CSMD1: variants seen among roughly 807,000 people sequenced by gnomAD.
The protein encoded by CSMD1 is CUB and sushi domain-containing protein 1.
In CSMD1, 213 loss-of-function variants were observed where a neutral mutation model predicts 417.5. The observed-to-expected ratio is 0.51, with a 90% CI of 0.46 to 0.57. The LOEUF (loss-of-function observed/expected upper bound fraction) is 0.57, where lower values mean the gene tolerates loss of function less well. Ranked by LOEUF, CSMD1 falls within the 20% of genes least tolerant of loss-of-function variation. CSMD1 has a pLI of 0.00. For synonymous variants in CSMD1, 2,862 were observed against 1,736.8 expected (o/e 1.65, Z -16.11); for missense variants, 6,923 against 4,529.7 (o/e 1.53, Z -15.17).
chr8:2,959,324 C>A (rs2128924227), intron 62 of CSMD1, among the ~76,000 whole-genome samples: 1 of 152,258 alleles, frequency 6.6e-6, no homozygotes, highest in African/African-American at 2.4e-5. Flanking sequence ...AGGCTGTTCT[C>A]CTGGCCTCAA....
Position 4,281,460 on chromosome 8 carries a change from CT to C in CSMD1, c.415+138492del, listed in dbSNP as rs551461760. 1.4e-3 allele frequency among the ~76,000 whole-genome samples: 213 copies of C among 152,242 alleles called. 1 individual carries two copies. The highest frequency in any genetic ancestry group is 2.5e-3 in the Non-Finnish European group (172 of 67,984). On this transcript the variant is annotated intron_variant, in intron 3 of 69. Coordinates refer to ENST00000635120, the MANE Select transcript of CSMD1 (RefSeq NM_033225.6). Reference sequence around the variant, plus strand: ...CACTTCAGAAGGAAACAATTTGAGACTGGCACACTCCAACCTTCTGTTTCAA... The same window carrying C: ...CACTTCAGAAGGAAACAATTTGAGACGGCACACTCCAACCTTCTGTTTCAA...
At chr8:3,872,177 T>C in intron 5 of CSMD1, among the ~76,000 whole-genome samples, 1 of 152,228 alleles carries the variant, frequency 6.6e-6, no homozygotes, top group East Asian at 1.9e-4. Flanking sequence ...CTCAGTTAAA[T>C]TACAGTGTTT....
intron 3 of CSMD1, among the ~76,000 whole-genome samples, chr8:4,404,240 A>G (rs1804855004): frequency 6.6e-6 from 1 of 151,950 alleles, no homozygotes; most frequent in Admixed American, 6.6e-5. Flanking sequence ...ATTATCTGTC[A>G]CCTTGTGATA....
At chr8:3,234,333 A>C (rs1585736946) in intron 26 of CSMD1, among the ~76,000 whole-genome samples, 1 of 152,310 alleles carries the variant, frequency 6.6e-6, no homozygotes, top group Non-Finnish European at 1.5e-5. Context: ...CAGAGTCCTC[A>C]CTGTAATACT....
chr8:3,385,840 G>A (rs1352425994), intron 18 of CSMD1, among the ~76,000 whole-genome samples: 4 of 151,988 alleles, frequency 2.6e-5, no homozygotes, highest in African/African-American at 9.7e-5. Flanking sequence ...AAGTTGGCCA[G>A]AGAATTCCTC....
At chr8:4,294,912 G>C (rs1250061930) in intron 3 of CSMD1, among the ~76,000 whole-genome samples, 1 of 151,536 alleles carries the variant, frequency 6.6e-6, no homozygotes, top group African/African-American at 2.4e-5. Flanking sequence ...GAAAGCCTCA[G>C]GTAACCATGT....
chr8:4,479,976 A>ATG, intron 2 of CSMD1, among the ~76,000 whole-genome samples: 1 of 150,328 alleles, frequency 6.7e-6, no homozygotes, highest in Non-Finnish European at 1.5e-5. Flanking sequence ...AAAAAAAAAA[A>ATG]AAAATAAAAA....
At chr8:3,744,233 G>C (rs1796956017) in intron 6 of CSMD1, among the ~76,000 whole-genome samples, 1 of 152,224 alleles carries the variant, frequency 6.6e-6, no homozygotes, top group East Asian at 1.9e-4. Context: ...CAGCAGGTGT[G>C]TGCAACAGGA....
rs549080854 is a variant in CSMD1, at chr8:2,938,828, C to T, written c.10536-84G>A. Reference sequence around the variant, plus strand: ...TGGGACTGTGTGCAGGAGACAACGTCTACAGAGCAGGGAGCAGTATAGCCA... The same window carrying T: ...TGGGACTGTGTGCAGGAGACAACGTTTACAGAGCAGGGAGCAGTATAGCCA... On this transcript the variant is annotated intron_variant, in intron 69 of 69. Coordinates refer to ENST00000635120, the MANE Select transcript of CSMD1 (RefSeq NM_033225.6). The T allele has an allele frequency of 2.4e-6, 3 of 1,254,622 alleles. No individual in the cohort carries two copies. In the East Asian group the frequency reaches 7.6e-5, roughly 32 times the overall value. The allele number at this position is 1,254,622 out of a possible 1,614,324, so 77.7% of individuals were successfully genotyped here.
chr8:3,679,942 A>C (rs1021600854), intron 7 of CSMD1, among the ~76,000 whole-genome samples: 1 of 152,226 alleles, frequency 6.6e-6, no homozygotes, highest in African/African-American at 2.4e-5. Flanking sequence ...ACTACTGGGT[A>C]CATAACGAAA....
chr8:4,266,154 A>T (rs188149324), intron 3 of CSMD1, among the ~76,000 whole-genome samples: 1,086 of 104,706 alleles, frequency 0.01, 153 homozygotes, highest in African/African-American at 0.027. Context: ...TCAGCTACTC[A>T]TCTACCACCA....
chr8:4,058,316 C>A (rs1223555044), intron 3 of CSMD1, among the ~76,000 whole-genome samples: 1 of 152,032 alleles, frequency 6.6e-6, no homozygotes, highest in Non-Finnish European at 1.5e-5. Flanking sequence ...GGAGTTCACT[C>A]ACGATTTGGC....
chr8:4,450,645 T>C (rs1452052202), intron 2 of CSMD1, among the ~76,000 whole-genome samples: 1 of 151,980 alleles, frequency 6.6e-6, no homozygotes, highest in Non-Finnish European at 1.5e-5. Context: ...AAAAAAAAAT[T>C]TGGTACTTTG....
chr8:4,436,563 A>G (rs1247437043), intron 2 of CSMD1, among the ~76,000 whole-genome samples: 1 of 152,106 alleles, frequency 6.6e-6, no homozygotes, highest in African/African-American at 2.4e-5. Context: ...GTTATTTTAA[A>G]ATTGACAGTT....
At chr8:3,991,122 T>C (rs1275192612) in intron 5 of CSMD1, among the ~76,000 whole-genome samples, 4 of 152,042 alleles carry the variant, frequency 2.6e-5, no homozygotes, top group Non-Finnish European at 4.4e-5. Flanking sequence ...AGAGAAAAGG[T>C]AGAGACTGGA....
chr8:4,800,368 T>C (rs568435013), intron 1 of CSMD1, among the ~76,000 whole-genome samples: 1 of 150,332 alleles, frequency 6.7e-6, no homozygotes, highest in Non-Finnish European at 1.5e-5. Flanking sequence ...GAGGTGGAGG[T>C]TGCAGTGAGC....
chr8:3,666,039 G>T (rs1245368907), intron 7 of CSMD1, among the ~76,000 whole-genome samples: 3 of 152,128 alleles, frequency 2.0e-5, no homozygotes, highest in African/African-American at 7.2e-5. Flanking sequence ...GGGATTACAG[G>T]TGCCCAACAC....
intron 3 of CSMD1, among the ~76,000 whole-genome samples, chr8:4,073,788 G>C (rs1015286904): frequency 6.6e-6 from 1 of 151,886 alleles, no homozygotes; most frequent in Non-Finnish European, 1.5e-5. Context: ...ACAAAATTTT[G>C]CTAAATTATT....
At chr8:4,615,008 T>C (rs1455886131) in intron 2 of CSMD1, among the ~76,000 whole-genome samples, 1 of 152,162 alleles carries the variant, frequency 6.6e-6, no homozygotes, top group African/African-American at 2.4e-5. Flanking sequence ...GAAATCAGAA[T>C]TGGTGGACGC....
Sources: gnomAD v4.1 joint callset for allele counts (sites outside exome capture counted in the v4.1 genomes callset) on GRCh38, gnomAD v4.1.1 for gene constraint, MANE v1.5 for transcripts, NCBI Gene and HGNC (gene_info 2026-07-23, HGNC 2026-07-21) for gene names.